The following SLC44A5 variants were observed in gnomAD, a reference collection of about 807,000 sequenced individuals.
SLC44A5 encodes the protein solute carrier family 44 member 5.
In SLC44A5, 57 loss-of-function variants were observed where a neutral mutation model predicts 101.8. That is an observed-to-expected ratio of 0.56 (90% CI 0.45 to 0.70). SLC44A5 has a LOEUF of 0.70. SLC44A5 is among the 30% of genes least tolerant of loss of function. The probability of loss-of-function intolerance (pLI) is 0.00; values close to 1 mark genes in which losing one functional copy is unlikely to be tolerated. For synonymous variants in SLC44A5, 281 were observed against 290.9 expected (o/e 0.97, Z 0.35); for missense variants, 737 against 853.1 (o/e 0.86, Z 1.70).
intron 7 of SLC44A5, 61 bp downstream of exon 7, chr1:75,251,149 T>A: frequency 7.4e-7 from 1 of 1,344,568 alleles, no homozygotes. Context: ...AATTTCTCAA[T>A]TCTTTTATCC....
At chr1:75,477,677 T>C (rs1019004718) in intron 2 of SLC44A5, among the ~76,000 whole-genome samples, 4 of 151,666 alleles carry the variant, frequency 2.6e-5, no homozygotes, top group African/African-American at 4.9e-5. Flanking sequence ...AAGAATGAAA[T>C]GAAACGAGAA....
rs749476428 is a variant in SLC44A5, at chr1:75,523,222, C to T, written c.13+18213G>A. ...GACTAGTGCATGAGAGTAGTACTTA[C>T]CTGTGCCCTTCAGGTAGCATGTGGA... is the stretch of plus-strand genomic sequence containing the variant. On this transcript the variant is annotated intron_variant, in intron 2 of 23. Transcript: ENST00000370859. 4.6e-5 allele frequency among the ~76,000 whole-genome samples: 7 copies of T among 152,308 alleles called. No homozygotes were observed. The South Asian group carries it at 1.5e-3, about 32-fold the overall frequency.
At chr1:75,476,208 T>G (rs913156551) in intron 2 of SLC44A5, among the ~76,000 whole-genome samples, 2 of 151,824 alleles carry the variant, frequency 1.3e-5, no homozygotes, top group African/African-American at 2.4e-5. Flanking sequence ...TATATATATA[T>G]AGAAAGTTAT....
At chr1:75,211,191 T>A (rs1570361056) in intron 23 of SLC44A5, among the ~76,000 whole-genome samples, 1 of 152,360 alleles carries the variant, frequency 6.6e-6, no homozygotes, top group Middle Eastern at 3.4e-3. Flanking sequence ...CCTCAATCTC[T>A]GGTCATCACC....
intron 2 of SLC44A5, among the ~76,000 whole-genome samples, chr1:75,439,149 G>A (rs893966679): frequency 5.9e-5 from 9 of 151,940 alleles, no homozygotes; most frequent in African/African-American, 2.2e-4. Context: ...TGTTATTGTG[G>A]GAGTGGATTC....
the SLC44A5 span, among the ~76,000 whole-genome samples, chr1:75,699,480 C>G: frequency 6.6e-6 from 1 of 151,522 alleles, no homozygotes; most frequent in East Asian, 1.9e-4. Flanking sequence ...CCCGGCCTGC[C>G]CTAAAAAAGG....
chr1:75,660,464 T>C, the SLC44A5 span, among the ~76,000 whole-genome samples: 1 of 151,982 alleles, frequency 6.6e-6, no homozygotes, highest in African/African-American at 2.4e-5. Context: ...GTAGTAGAAG[T>C]CATAGCCAGA....
the SLC44A5 span, among the ~76,000 whole-genome samples, chr1:75,690,451 A>G: frequency 6.6e-6 from 1 of 152,194 alleles, no homozygotes; most frequent in Non-Finnish European, 1.5e-5. Context: ...AAACTATATC[A>G]GATGGAAATC....
chr1:75,633,082 A>G, the SLC44A5 span, among the ~76,000 whole-genome samples: 1 of 152,234 alleles, frequency 6.6e-6, no homozygotes, highest in African/African-American at 2.4e-5. Flanking sequence ...AGTATTCAGC[A>G]TGGTGTCTGG....
At chr1:75,342,315 G>A (rs1371853263) in intron 3 of SLC44A5, among the ~76,000 whole-genome samples, 1 of 152,120 alleles carries the variant, frequency 6.6e-6, no homozygotes, top group Non-Finnish European at 1.5e-5. Flanking sequence ...CACATAGAAC[G>A]CAATGTGAAT....
At chr1:75,590,832 T>G (rs1381966729) in intron 1 of SLC44A5, among the ~76,000 whole-genome samples, 1 of 152,192 alleles carries the variant, frequency 6.6e-6, no homozygotes, top group Non-Finnish European at 1.5e-5. Flanking sequence ...TTCTAGTGCC[T>G]GACTCCCAGA....
At chr1:75,316,895 A>G (rs1655734603) in intron 4 of SLC44A5, among the ~76,000 whole-genome samples, 2 of 152,192 alleles carry the variant, frequency 1.3e-5, no homozygotes, top group African/African-American at 4.8e-5. Flanking sequence ...ACCCACATGA[A>G]TGCAAATGTG....
chr1:75,582,287 A>G, intron 1 of SLC44A5: 3 of 1,534,956 alleles, frequency 2.0e-6, no homozygotes, highest in Non-Finnish European at 2.7e-6. Context: ...TGCCAAGGCC[A>G]TGAGTGCACG....
At chr1:75,343,665 TGTGA>T (rs1658046592) in intron 3 of SLC44A5, among the ~76,000 whole-genome samples, 1 of 152,116 alleles carries the variant, frequency 6.6e-6, no homozygotes, top group Admixed American at 6.5e-5. Flanking sequence ...AGAGACCTAC[TGTGA>T]GTAAGCAGGT....
chr1:75,237,404 C>A (rs1206586219), intron 10 of SLC44A5, among the ~76,000 whole-genome samples: 1 of 152,002 alleles, frequency 6.6e-6, no homozygotes, highest in Non-Finnish European at 1.5e-5. Context: ...TTTGCAAAAC[C>A]CATAGTCAAG....
Position 75,353,480 on chromosome 1 carries a change from C to G in SLC44A5, c.53-13850G>C, listed in dbSNP as rs1451715577. Among the ~76,000 whole-genome samples the G allele has an allele frequency of 2.0e-5, 3 of 152,276 alleles. No individual in the cohort carries two copies. The South Asian group carries it at 6.2e-4, about 32-fold the overall frequency. On this transcript the variant is annotated intron_variant, in intron 3 of 23. Coordinates refer to ENST00000370859, the MANE Select transcript of SLC44A5 (RefSeq NM_001130058.2). ...TGTCTGTTTTGTTCATTACTGTATG[C>G]CCCACCACTCAGAACAGTGGTTCTG...
the SLC44A5 span, among the ~76,000 whole-genome samples, chr1:75,702,129 A>C: frequency 6.6e-6 from 1 of 152,118 alleles, no homozygotes; most frequent in African/African-American, 2.4e-5. Context: ...GCTACCAATG[A>C]CTTTCTTCAC....
the SLC44A5 span, among the ~76,000 whole-genome samples, chr1:75,659,344 GA>G: frequency 3.3e-3 from 421 of 127,840 alleles, 3 homozygotes; most frequent in South Asian, 0.013. Flanking sequence ...AGAAAAGAGA[GA>G]AAAAAAGAAA....
At chr1:75,571,016 C>G (rs1174867899) in intron 1 of SLC44A5, among the ~76,000 whole-genome samples, 1 of 151,980 alleles carries the variant, frequency 6.6e-6, no homozygotes, top group Non-Finnish European at 1.5e-5. Flanking sequence ...ACCCAAATCA[C>G]TAAATGTTTG....
Sources: gnomAD v4.1 joint callset for allele counts (sites outside exome capture counted in the v4.1 genomes callset) on GRCh38, gnomAD v4.1.1 for gene constraint, MANE v1.5 for transcripts, NCBI Gene and HGNC (gene_info 2026-07-23, HGNC 2026-07-21) for gene names.